The following RANBP9 variants were observed in gnomAD, a reference collection of about 807,000 sequenced individuals.
RANBP9 encodes ran-binding protein 9.
A neutral mutation model predicts 84.3 loss-of-function variants in RANBP9; 15 were observed. The observed-to-expected ratio is 0.18, with a 90% confidence interval of 0.12 to 0.27. The LOEUF (loss-of-function observed/expected upper bound fraction) is 0.27. RANBP9 is among the 10% of genes least tolerant of loss of function. RANBP9 has a pLI of 1.00. For synonymous variants in RANBP9, 392 were observed against 349.6 expected, an observed-to-expected ratio of 1.12 and a Z score of -1.35; for missense variants, 809 against 912.8, an observed-to-expected ratio of 0.89 and a Z score of 1.46.
At chr6:13,661,585 T>A (rs899215009) in intron 2 of RANBP9, among the ~76,000 whole-genome samples, 1 of 152,054 alleles carries the variant, frequency 6.6e-6, no homozygotes, top group African/African-American at 2.4e-5. Flanking sequence ...AGTATGATTT[T>A]AAAAAAACAT....
intron 1 of RANBP9, 119 bp from the exon 2 acceptor site, chr6:13,697,015 A>C (rs1757845081): frequency 1.3e-6 from 1 of 747,994 alleles, no homozygotes; most frequent in Middle Eastern, 2.4e-4. Flanking sequence ...TGCTCCTATC[A>C]GTTCAAATAC....
intron 12 of RANBP9, among the ~76,000 whole-genome samples, chr6:13,630,401 A>C (rs1764744599): frequency 1.3e-5 from 2 of 152,226 alleles, no homozygotes; most frequent in Non-Finnish European, 2.9e-5. Flanking sequence ...ACACAAAGTA[A>C]GCTAATGGAG....
In RANBP9 at chr6:13,711,082, C is replaced by T. The variant is rs1324090090; in HGVS notation, c.424G>A (p.Glu142Lys). ...CGCCGCTGCAACTCCTTCTCCTGCT[C>T]GTTCAGGGCCGAGTCCCCGTGAGGG... is the stretch of plus-strand genomic sequence containing the variant. Reference protein sequence around the residue: ...PFPHGDSALNEQEKELQRRLK... With the variant: ...PFPHGDSALNKQEKELQRRLK... Residue 142 changes from glutamate to lysine, a missense_variant, in exon 1 of 14, where the codon GAG (glutamate) becomes AAG (lysine). Around this residue, in one of 5 missense-constraint regions of RANBP9, gnomAD observed 302 missense variants for 240.1 expected, o/e 1.26. Transcript: ENST00000011619. The T allele has an allele frequency of 2.5e-6, 4 of 1,575,768 alleles. No homozygotes were observed. The highest frequency in any genetic ancestry group is 1.4e-5 in the African/African-American group (1 of 73,702).
chr6:13,630,816 A>G (rs1269416008), intron 12 of RANBP9, among the ~76,000 whole-genome samples: 1 of 152,102 alleles, frequency 6.6e-6, no homozygotes, highest in Non-Finnish European at 1.5e-5. Context: ...AAAAAATATA[A>G]AGCAATGCCA....
chr6:13,690,242 C>G lies in RANBP9; in HGVS notation c.683+6543G>C, dbSNP rs149264324. Among the ~76,000 whole-genome samples the G allele has an allele frequency of 7.8e-3, 1,190 of 152,242 alleles. 13 individuals are homozygous for G. The highest frequency in any genetic ancestry group is 0.027 in the African/African-American group (1,110 of 41,540). ...ATAAGACAAATCAATAAAATAATTT[C>G]TTATCCCCACTCAGCTGCTGACGAT... On this transcript the variant is annotated intron_variant, in intron 2 of 13. Coordinates refer to ENST00000011619, the MANE Select transcript of RANBP9 (RefSeq NM_005493.3).
intron 2 of RANBP9, among the ~76,000 whole-genome samples, chr6:13,673,297 G>A (rs903845446): frequency 6.6e-6 from 1 of 152,160 alleles, no homozygotes; most frequent in African/African-American, 2.4e-5. Flanking sequence ...AGCATCCAGA[G>A]AAATTATCCC....
In RANBP9 at chr6:13,642,336, A is replaced by T. The variant is rs145292709; in HGVS notation, c.1225+143T>A. On this transcript the variant is annotated intron_variant, in intron 7 of 13. Coordinates refer to ENST00000011619, the MANE Select transcript of RANBP9 (RefSeq NM_005493.3). ...TTTTAAACTGATCTTCAAAAATGTCAGTGAAAATAAAATTCAGAGGCATCC... is the reference window on the plus strand; with the variant it reads ...TTTTAAACTGATCTTCAAAAATGTCTGTGAAAATAAAATTCAGAGGCATCC... 1.4e-3 allele frequency: 471 copies of T among 336,896 alleles called. 2 individuals are homozygous for T. Among genetic ancestry groups the T allele is most frequent in the African/African-American group, 9.6e-3 (447 of 46,796 alleles). The allele number at this position is 336,896 out of a possible 1,614,324, so 20.9% of individuals were successfully genotyped here. A position where few individuals can be genotyped will look rare whatever the true frequency, so the allele number is the denominator to read the frequency against.
chr6:13,671,868 C>T (rs1765786528), intron 2 of RANBP9, among the ~76,000 whole-genome samples: 1 of 152,032 alleles, frequency 6.6e-6, no homozygotes, highest in Non-Finnish European at 1.5e-5. Context: ...CTCCCATCCT[C>T]ACAAGAAAAA....
In RANBP9 at chr6:13,625,720, T is replaced by G. The variant is rs201533887; in HGVS notation, c.1992A>C (p.Pro664=). 550 of 1,613,200 alleles carry G rather than the reference T, an allele frequency of 3.4e-4. 7 individuals are homozygous for G. The South Asian group carries it at 5.6e-3, about 16-fold the overall frequency. ...GAATCGGGTCAAGCTGATTTCCAAC[T>G]GGGCTGTTCCAGGGATCTGAATATG... The part of the protein sequence containing the change: ...LLAYSDPWNS[P]VGNQLDPIQR... Residue 664 remains proline (P), a synonymous_variant, in exon 13 of 14, where the codon CCA becomes CCC. Transcript: ENST00000011619.
intron 3 of RANBP9, among the ~76,000 whole-genome samples, chr6:13,657,892 A>C (rs1221659723): frequency 6.6e-6 from 1 of 152,234 alleles, no homozygotes; most frequent in Non-Finnish European, 1.5e-5. Flanking sequence ...ATGTGATTAC[A>C]ATCAGATGCA....
chr6:13,628,407 G>T (rs1259603307), intron 12 of RANBP9, among the ~76,000 whole-genome samples: 2 of 152,034 alleles, frequency 1.3e-5, no homozygotes, highest in Admixed American at 1.3e-4. Context: ...AGAGAAAGGA[G>T]AAAAAAGCAT....
At chr6:13,683,685 TA>T (rs969225631) in intron 2 of RANBP9, among the ~76,000 whole-genome samples, 7 of 152,160 alleles carry the variant, frequency 4.6e-5, no homozygotes, top group African/African-American at 1.7e-4. Flanking sequence ...AAAAATATGT[TA>T]TTTTTTTTCT....
chr6:13,634,870 G>A (rs940750435), intron 10 of RANBP9, among the ~76,000 whole-genome samples: 6 of 151,766 alleles, frequency 4.0e-5, no homozygotes, highest in African/African-American at 7.3e-5. Flanking sequence ...AGATCTGTAC[G>A]TCTTCGTTAA....
intron 13 of RANBP9, among the ~76,000 whole-genome samples, chr6:13,623,711 T>C (rs1277378538): frequency 1.3e-5 from 2 of 152,210 alleles, no homozygotes; most frequent in African/African-American, 2.4e-5. Flanking sequence ...CTACATAATA[T>C]AGCATGGTAT....
intron 2 of RANBP9, among the ~76,000 whole-genome samples, chr6:13,676,770 TCAGAC>T (rs1765893642): frequency 1.3e-5 from 2 of 151,918 alleles, no homozygotes; most frequent in African/African-American, 2.4e-5. Flanking sequence ...AATCACGTGA[TCAGAC>T]CAATAGATGC....
intron 4 of RANBP9, among the ~76,000 whole-genome samples, chr6:13,655,410 T>C (rs1275495661): frequency 6.6e-6 from 1 of 152,098 alleles, no homozygotes; most frequent in East Asian, 1.9e-4. Flanking sequence ...GCAGAGGTTC[T>C]GAGCCGAGAT....
chr6:13,644,331 G>A (rs1028639487), intron 6 of RANBP9, among the ~76,000 whole-genome samples: 1 of 152,144 alleles, frequency 6.6e-6, no homozygotes, highest in Non-Finnish European at 1.5e-5. Flanking sequence ...AATTCAGACT[G>A]AAATACAATT....
intron 2 of RANBP9, among the ~76,000 whole-genome samples, chr6:13,675,219 C>T (rs1181942756): frequency 6.6e-6 from 1 of 152,168 alleles, no homozygotes; most frequent in Non-Finnish European, 1.5e-5. Context: ...AATACATATT[C>T]TTCTTAAGCT....
At chr6:13,664,953 G>A (rs1420775763) in intron 2 of RANBP9, among the ~76,000 whole-genome samples, 1 of 152,068 alleles carries the variant, frequency 6.6e-6, no homozygotes, top group African/African-American at 2.4e-5. Flanking sequence ...GTCTAACAAA[G>A]AGACCCACAT....
Sources: gnomAD v4.1 joint callset for allele counts (sites outside exome capture counted in the v4.1 genomes callset) on GRCh38, gnomAD v4.1.1 for gene constraint, gnomAD v4.1.1 regional missense constraint, MANE v1.5 for transcripts, NCBI Gene and HGNC (gene_info 2026-07-23, HGNC 2026-07-21) for gene names.